Variants in ASCC3 observed in about 807,000 individuals in gnomAD.
ASCC3 encodes the protein ASC-1 complex subunit P200.
ASCC3 carries 158 observed loss-of-function variants against 256.3 expected under a neutral mutation model. The ratio of observed to expected loss-of-function variants is 0.62; its 90% confidence interval spans 0.54 to 0.70. The LOEUF (loss-of-function observed/expected upper bound fraction) is 0.70. ASCC3 is among the 30% of genes least tolerant of loss of function. ASCC3 has a pLI of 0.00. For synonymous variants in ASCC3, 948 were observed against 883.4 expected, an observed-to-expected ratio of 1.07 and a Z score of -1.30; for missense variants, 2,259 against 2,626.0, an observed-to-expected ratio of 0.86 and a Z score of 3.05.
chr6:100,781,451 T>C (rs1782445016), intron 8 of ASCC3, among the ~76,000 whole-genome samples: 1 of 152,124 alleles, frequency 6.6e-6, no homozygotes, highest in East Asian at 1.9e-4. Flanking sequence ...TGGTGCGATC[T>C]TGGCTCACTG....
chr6:100,789,993 G>A (rs533525898), intron 8 of ASCC3, among the ~76,000 whole-genome samples: 14 of 151,838 alleles, frequency 9.2e-5, no homozygotes, highest in African/African-American at 1.2e-4. Flanking sequence ...ATTTAAACAC[G>A]TCCTCTCTAA....
At position 100,650,423 on chromosome 6, in the gene ASCC3, T is replaced by C. The variant is rs867052768; in HGVS notation, c.3252+115A>G. 1.3e-5 allele frequency: 13 copies of C among 1,015,298 alleles called. 1 individual carries two copies. The Middle Eastern group carries it at 1.0e-3, about 80-fold the overall frequency. The allele number at this position is 1,015,298 out of a possible 1,614,324, so 62.9% of individuals were successfully genotyped here. A position where few individuals can be genotyped will look rare whatever the true frequency, so the allele number is the denominator to read the frequency against. On this transcript the variant is annotated intron_variant, in intron 20 of 41. Transcript: ENST00000369162. ...TTAGCAGAAACAGTTCTAAGTAAAA[T>C]GGTGGTTTGGTAGCATGTCACAAAG...
At chr6:100,845,729 A>G (rs1480398147) in intron 4 of ASCC3, among the ~76,000 whole-genome samples, 1 of 152,144 alleles carries the variant, frequency 6.6e-6, no homozygotes, top group Non-Finnish European at 1.5e-5. Context: ...ATGTAATCAT[A>G]TGAATATACT....
chr6:100,649,980 G>A (rs990704328), intron 20 of ASCC3, among the ~76,000 whole-genome samples: 12 of 151,630 alleles, frequency 7.9e-5, no homozygotes, highest in African/African-American at 2.7e-4. Context: ...ATGAGCTGTA[G>A]TTTAGGGAAT....
At chr6:100,552,757 T>C (rs978558673) in intron 36 of ASCC3, among the ~76,000 whole-genome samples, 1 of 151,990 alleles carries the variant, frequency 6.6e-6, no homozygotes, top group Non-Finnish European at 1.5e-5. Flanking sequence ...AAAAGTATTA[T>C]GGAGTATATT....
intron 4 of ASCC3, among the ~76,000 whole-genome samples, chr6:100,806,081 A>G (rs902529405): frequency 4.6e-5 from 7 of 152,196 alleles, no homozygotes; most frequent in Middle Eastern, 3.4e-3. Context: ...CTGCAATTAC[A>G]TAATTAAAAA....
intron 39 of ASCC3, among the ~76,000 whole-genome samples, chr6:100,514,721 G>C (rs964128778): frequency 1.3e-5 from 2 of 151,888 alleles, no homozygotes; most frequent in African/African-American, 2.4e-5. Flanking sequence ...TTCATCTATT[G>C]AATCAGGCAA....
At chr6:100,839,432 G>A (rs1409473758) in intron 4 of ASCC3, among the ~76,000 whole-genome samples, 1 of 152,092 alleles carries the variant, frequency 6.6e-6, no homozygotes, top group Non-Finnish European at 1.5e-5. Context: ...TTCAAAATCT[G>A]TTATTGCCAT....
chr6:100,532,190 G>A (rs1562098198), intron 37 of ASCC3, among the ~76,000 whole-genome samples: 1 of 150,882 alleles, frequency 6.6e-6, no homozygotes, highest in Non-Finnish European at 1.5e-5. Flanking sequence ...GCTAATCACT[G>A]TGGTTGCCAA....
chr6:100,604,078 G>T (rs1396158381), intron 33 of ASCC3, among the ~76,000 whole-genome samples: 2 of 152,004 alleles, frequency 1.3e-5, no homozygotes, highest in East Asian at 3.9e-4. Flanking sequence ...CATTCTAAAA[G>T]ATTTTAAATT....
intron 34 of ASCC3, among the ~76,000 whole-genome samples, chr6:100,597,375 G>T (rs1229692851): frequency 6.6e-6 from 1 of 152,084 alleles, no homozygotes; most frequent in African/African-American, 2.4e-5. Context: ...ACAGAATTAA[G>T]AAATAAAAAA....
intron 13 of ASCC3, among the ~76,000 whole-genome samples, chr6:100,683,653 CTT>C (rs1033545560): frequency 1.3e-4 from 20 of 151,950 alleles, no homozygotes; most frequent in Non-Finnish European, 2.8e-4. Context: ...ATTAGAAACA[CTT>C]TTTGGTAACT....
chr6:100,631,224 G>A lies in ASCC3; in HGVS notation c.4123-11C>T, dbSNP rs752672673. ...TGCAATATATACCGCCTAAAAAGGG[G>A]AGAATAGCCAAAAATACTCTTATGA... On this transcript the variant is annotated splice_polypyrimidine_tract_variant and intron_variant, in intron 25 of 41. Transcript: ENST00000369162. The A allele has an allele frequency of 6.3e-7, 1 of 1,583,522 alleles. No homozygotes were observed. The highest frequency in any genetic ancestry group is 1.3e-5 in the African/African-American group (1 of 74,296).
At chr6:100,585,908 C>T (rs556844477) in intron 36 of ASCC3, among the ~76,000 whole-genome samples, 9 of 152,110 alleles carry the variant, frequency 5.9e-5, no homozygotes, top group Non-Finnish European at 8.8e-5. Flanking sequence ...TTTCGTGAAC[C>T]GCGAATGCTG....
At chr6:100,804,840 T>G (rs529558574) in intron 5 of ASCC3, among the ~76,000 whole-genome samples, 1 of 152,184 alleles carries the variant, frequency 6.6e-6, no homozygotes, top group Non-Finnish European at 1.5e-5. Context: ...AAAAGTAGTT[T>G]AGAGATTTCT....
intron 4 of ASCC3, among the ~76,000 whole-genome samples, chr6:100,836,823 G>C (rs1413872785): frequency 1.3e-5 from 2 of 152,000 alleles, no homozygotes; most frequent in Non-Finnish European, 2.9e-5. Context: ...ACTATTACAA[G>C]GCCTTTATTG....
At chr6:100,553,281 T>A (rs1769398248) in intron 36 of ASCC3, among the ~76,000 whole-genome samples, 1 of 152,216 alleles carries the variant, frequency 6.6e-6, no homozygotes, top group African/African-American at 2.4e-5. Context: ...ACTGCTTCCT[T>A]AGTAGGACAC....
chr6:100,606,719 C>A (rs557516971), intron 32 of ASCC3, 21 bp downstream of exon 32: 4 of 1,585,424 alleles, frequency 2.5e-6, no homozygotes, highest in East Asian at 4.5e-5. Context: ...TCATGTATTT[C>A]TGTGAATTTA....
Position 100,613,536 on chromosome 6 carries a change from C to T in ASCC3, c.4786-6448G>A, listed in dbSNP as rs535063447. On this transcript the variant is annotated intron_variant, in intron 30 of 41. Coordinates refer to ENST00000369162, the MANE Select transcript of ASCC3 (RefSeq NM_006828.4). The stretch of plus-strand genomic sequence containing the variant: ...TTTTGTATATATACATTTTCTTTAT[C>T]CAATCATTTATTGATGGATACTTAG... Among the ~76,000 whole-genome samples, 355 of 151,934 alleles carry T rather than the reference C, an allele frequency of 2.3e-3. 2 individuals are homozygous for T. Among genetic ancestry groups the T allele is most frequent in the Middle Eastern group, 3.4e-3 (1 of 294 alleles).
Sources: allele counts gnomAD v4.1 joint callset (sites outside exome capture counted in the v4.1 genomes callset), GRCh38; gene constraint gnomAD v4.1.1; transcripts MANE v1.5; gene names NCBI Gene and HGNC (gene_info 2026-07-23, HGNC 2026-07-21).